The following PPP3CC variants were observed in gnomAD, a reference collection of about 807,000 sequenced individuals.
PPP3CC encodes protein phosphatase 3 catalytic subunit gamma.
PPP3CC carries 35 observed loss-of-function variants against 60.3 expected under a neutral mutation model. The observed-to-expected ratio is 0.58, with a 90% CI of 0.44 to 0.77. The LOEUF (loss-of-function observed/expected upper bound fraction) is 0.77. Ranked by LOEUF, PPP3CC falls within the 30% of genes least tolerant of loss-of-function variation. The probability of loss-of-function intolerance (pLI) is 0.00; values close to 1 mark genes in which losing one functional copy is unlikely to be tolerated. For synonymous variants in PPP3CC, 206 were observed against 224.3 expected (o/e 0.92, Z 0.73); for missense variants, 570 against 628.9 (o/e 0.91, Z 1.00).
chr8:22,532,175 C>T, intron 10 of PPP3CC, 50 bp from the exon 11 acceptor site: 1 of 1,337,668 alleles, frequency 7.5e-7, no homozygotes, highest in Non-Finnish European at 1.0e-6. Flanking sequence ...TTTTTAAAGG[C>T]AGCCTATTAA....
chr8:22,482,974 G>A (rs1453987261), intron 3 of PPP3CC, among the ~76,000 whole-genome samples: 1 of 152,098 alleles, frequency 6.6e-6, no homozygotes, highest in Non-Finnish European at 1.5e-5. Context: ...TTCTAGCCAA[G>A]CAAAAAGATA....
At chr8:22,471,712 G>A (rs1469563548) in intron 1 of PPP3CC, among the ~76,000 whole-genome samples, 2 of 152,192 alleles carry the variant, frequency 1.3e-5, no homozygotes, top group Non-Finnish European at 2.9e-5. Context: ...ACTGGAAGTT[G>A]CTCTGGGTGA....
intron 4 of PPP3CC, among the ~76,000 whole-genome samples, chr8:22,505,892 C>G (rs1240592687): frequency 6.6e-6 from 1 of 151,456 alleles, no homozygotes; most frequent in African/African-American, 2.4e-5. Flanking sequence ...ACAGGGAGGG[C>G]ATCTTTTCTT....
intron 12 of PPP3CC, among the ~76,000 whole-genome samples, chr8:22,538,637 G>C (rs1423219259): frequency 2.6e-5 from 4 of 152,194 alleles, no homozygotes; most frequent in African/African-American, 9.7e-5. Flanking sequence ...GTGGCACCCT[G>C]TACCTTTTCA....
chr8:22,515,180 T>A (rs78172220), intron 6 of PPP3CC, among the ~76,000 whole-genome samples: 1 of 152,178 alleles, frequency 6.6e-6, no homozygotes, highest in Non-Finnish European at 1.5e-5. Context: ...TGAGTTCAGT[T>A]GTTTTAATTT....
At chr8:22,506,961 TAAA>T (rs1259735982) in intron 4 of PPP3CC, among the ~76,000 whole-genome samples, 3 of 148,456 alleles carry the variant, frequency 2.0e-5, no homozygotes, top group Non-Finnish European at 4.5e-5. Context: ...ATTAAATAAA[TAAA>T]AAATAAAAAA....
intron 4 of PPP3CC, among the ~76,000 whole-genome samples, chr8:22,503,642 G>A (rs892745901): frequency 1.3e-5 from 2 of 152,076 alleles, no homozygotes; most frequent in Non-Finnish European, 2.9e-5. Flanking sequence ...TTTTTTGACA[G>A]ACTATTTTTA....
At chr8:22,477,679 G>C (rs1471142019) in intron 3 of PPP3CC, among the ~76,000 whole-genome samples, 1 of 152,008 alleles carries the variant, frequency 6.6e-6, no homozygotes, top group Non-Finnish European at 1.5e-5. Flanking sequence ...CTAGGCTGGA[G>C]TGCAGTGGCT....
At chr8:22,491,447 C>T (rs1391360093) in intron 3 of PPP3CC, among the ~76,000 whole-genome samples, 1 of 152,176 alleles carries the variant, frequency 6.6e-6, no homozygotes, top group Non-Finnish European at 1.5e-5. Context: ...TTAAGCATCT[C>T]ATATGCCAGC....
intron 8 of PPP3CC, among the ~76,000 whole-genome samples, chr8:22,526,084 T>C (rs903621767): frequency 1.3e-5 from 2 of 152,056 alleles, no homozygotes; most frequent in African/African-American, 4.8e-5. Flanking sequence ...CCCAGGCTGG[T>C]CTCAATCTCC....
chr8:22,478,685 A>G (rs1224600222), intron 3 of PPP3CC, among the ~76,000 whole-genome samples: 1 of 152,174 alleles, frequency 6.6e-6, no homozygotes, highest in Non-Finnish European at 1.5e-5. Context: ...AGGCTGTGAG[A>G]ATAAAATAAA....
chr8:22,507,730 A>T (rs923587231), intron 4 of PPP3CC, among the ~76,000 whole-genome samples: 1 of 152,232 alleles, frequency 6.6e-6, no homozygotes, highest in African/African-American at 2.4e-5. Flanking sequence ...AGCAACCCTG[A>T]ATCTACTGTT....
chr8:22,463,087 T>C (rs1490159619), intron 1 of PPP3CC, among the ~76,000 whole-genome samples: 1 of 152,136 alleles, frequency 6.6e-6, no homozygotes, highest in Non-Finnish European at 1.5e-5. Context: ...GTGCTAACAG[T>C]AAGGAAAAGT....
chr8:22,447,483 A>G (rs915602559), intron 1 of PPP3CC, among the ~76,000 whole-genome samples: 3 of 151,156 alleles, frequency 2.0e-5, no homozygotes, highest in Admixed American at 1.3e-4. Context: ...AGCCTGGCCT[A>G]ATTTTGGTAT....
intron 3 of PPP3CC, among the ~76,000 whole-genome samples, chr8:22,480,039 T>C (rs574900914): frequency 1.3e-5 from 2 of 152,276 alleles, no homozygotes; most frequent in East Asian, 3.9e-4. Context: ...CTATTGCACT[T>C]AATGTTATCA....
Position 22,513,358 on chromosome 8 carries a change from A to G in PPP3CC, c.696A>G (p.Ser232=), listed in dbSNP as rs754216168. 3.7e-6 allele frequency: 6 copies of G among 1,613,962 alleles called. No individual in the cohort carries two copies. The change falls in exon 6 of 14, where the codon TCA becomes TCG. Residue 232 remains serine (S), a synonymous_variant. Coordinates refer to ENST00000240139, the MANE Select transcript of PPP3CC (RefSeq NM_005605.5). The part of the protein sequence containing the change: ...PVCDLLWSDP[S]EDYGNEKTLE... ...GTGACCTGCTTTGGTCTGATCCCTC[A>G]GAGGATTATGGCAATGAGAAGACCT...
At chr8:22,525,204 C>A (rs775530201) in intron 8 of PPP3CC, among the ~76,000 whole-genome samples, 1 of 152,030 alleles carries the variant, frequency 6.6e-6, no homozygotes, top group African/African-American at 2.4e-5. Flanking sequence ...AGTATTCTGT[C>A]GGCTTTGACA....
At chr8:22,489,689 G>GTATATAT (rs1423012033) in intron 3 of PPP3CC, among the ~76,000 whole-genome samples, 5 of 90,202 alleles carry the variant, frequency 5.5e-5, no homozygotes, top group African/African-American at 5.7e-5. Flanking sequence ...TTATATATAA[G>GTATATAT]TATATATTAT....
intron 1 of PPP3CC, among the ~76,000 whole-genome samples, chr8:22,460,231 T>C (rs1050700496): frequency 6.6e-6 from 1 of 152,190 alleles, no homozygotes; most frequent in African/African-American, 2.4e-5. Flanking sequence ...TAAAAATCTT[T>C]AAATAAAGAT....
Sources: gnomAD v4.1 joint callset for allele counts (sites outside exome capture counted in the v4.1 genomes callset) on GRCh38, gnomAD v4.1.1 for gene constraint, MANE v1.5 for transcripts, NCBI Gene and HGNC (gene_info 2026-07-23, HGNC 2026-07-21) for gene names.